The following A2ML1 variants were observed in gnomAD, a reference collection of about 807,000 sequenced individuals.
The protein encoded by A2ML1 is alpha-2-macroglobulin-like protein 1.
A neutral mutation model predicts 181.9 loss-of-function variants in A2ML1; 161 were observed. The ratio of observed to expected loss-of-function variants is 0.89; its 90% CI spans 0.78 to 1.01. The LOEUF is 1.01. A2ML1 is among the 50% of genes least tolerant of loss of function. The pLI, the probability that A2ML1 is intolerant of heterozygous loss-of-function variation, is 0.00. For missense variants in A2ML1, 1,670 were observed against 1,768.1 expected, an observed-to-expected ratio of 0.94 and a Z score of 1.00; for synonymous variants, 663 against 666.8, an observed-to-expected ratio of 0.99 and a Z score of 0.09.
intron 8 of A2ML1, 48 bp downstream of exon 8, chr12:8,837,614 G>T: frequency 6.5e-7 from 1 of 1,550,060 alleles, no homozygotes; most frequent in Non-Finnish European, 8.8e-7. Flanking sequence ...AGGCACGGTG[G>T]CTCACGCCTG....
downstream of A2ML1, among the ~76,000 whole-genome samples, chr12:8,877,688 A>T (rs1192210033): frequency 2.0e-5 from 3 of 152,186 alleles, no homozygotes; most frequent in Non-Finnish European, 4.4e-5. Context: ...AAAATAAGAG[A>T]TGTTGGCGAG....
intron 3 of A2ML1, among the ~76,000 whole-genome samples, chr12:8,827,901 G>A (rs1419927437): frequency 2.0e-5 from 3 of 152,234 alleles, no homozygotes; most frequent in Non-Finnish European, 4.4e-5. Flanking sequence ...AGATCTGGAA[G>A]AATTCCAGAT....
intron 1 of A2ML1, 36 bp from the exon 2 acceptor site, chr12:8,823,146 C>T: frequency 6.3e-7 from 1 of 1,595,200 alleles, no homozygotes; most frequent in Non-Finnish European, 8.6e-7. Context: ...GTGAATGAAT[C>T]ATTATTGCCC....
In A2ML1 at chr12:8,867,880, C is replaced by T. The variant is rs749652025; in HGVS notation, c.3756C>T (p.Ala1252=). The change falls in exon 30 of 36, where the codon GCC becomes GCT. Residue 1252 remains alanine, a synonymous_variant. Coordinates refer to ENST00000299698, the MANE Select transcript of A2ML1 (RefSeq NM_144670.6). ...VVALQALAKY[A]TTAYMPSEEI... ...CTCTCCAAGCTCTTGCCAAATATGC[C>T]ACTACCGCCTACATGCCATCTGAGG... The T allele has an allele frequency of 2.5e-6, 4 of 1,614,220 alleles. No homozygotes were observed. The highest frequency in any genetic ancestry group is 3.4e-6 in the Non-Finnish European group (4 of 1,180,036).
At position 8,850,186 on chromosome 12, in the gene A2ML1, G is replaced by T. The variant is rs74545189; in HGVS notation, c.2146G>T (p.Glu716Ter). The change falls in exon 18 of 36, where the codon GAG becomes TAG. Residue 716 changes from glutamate to a stop codon, truncating the protein, a stop_gained. Transcript: ENST00000299698. LOFTEE classifies it high-confidence loss of function. ...AGGCGGTGGTCATCCAGAGGCTTTTGAGTCATCAACTCCTTTACATCAAGC... is the reference window on the plus strand; with the variant it reads ...AGGCGGTGGTCATCCAGAGGCTTTTTAGTCATCAACTCCTTTACATCAAGC... ...GAGGGHPEAF[E>*]SSTPLHQAED... The T allele has an allele frequency of 6.2e-7, 1 of 1,611,952 alleles. No individual in the cohort carries two copies. Among genetic ancestry groups the T allele is most frequent in the South Asian group, 1.1e-5 (1 of 90,762 alleles).
chr12:8,852,455 T>C lies in A2ML1; in HGVS notation c.2590+119T>C. ...CTTCCTCCTCCATTTTCCACTATTT[T>C]TCTCCCTCCTAAGGCTGTTATAAGT... is the stretch of plus-strand genomic sequence containing the variant. On this transcript the variant is annotated intron_variant, in intron 20 of 35. Transcript: ENST00000299698. The surrounding 1 kb of genome is among the most constrained non-coding windows in gnomAD (Gnocchi z 4.2). 1 of 1,453,098 alleles carries C rather than the reference T, an allele frequency of 6.9e-7. No individual in the cohort carries two copies. The highest frequency in any genetic ancestry group is 9.4e-7 in the Non-Finnish European group (1 of 1,064,062). The allele number at this position is 1,453,098 out of a possible 1,614,324, so 90.0% of individuals were successfully genotyped here.
chr12:8,831,825 C>T (rs1202966374), intron 4 of A2ML1, among the ~76,000 whole-genome samples: 2 of 152,036 alleles, frequency 1.3e-5, no homozygotes, highest in Non-Finnish European at 2.9e-5. Context: ...TCTCGGCTCG[C>T]CGCAACCTCT....
At position 8,858,072 on chromosome 12, in the gene A2ML1, C is replaced by T. The variant is rs764790159; in HGVS notation, c.3234C>T (p.Asn1078=). The T allele has an allele frequency of 2.5e-4, 400 of 1,614,144 alleles. 5 individuals carry two copies. The South Asian group carries it at 2.8e-3, about 11-fold the overall frequency. The change falls in exon 26 of 36, where the codon AAC becomes AAT. Residue 1078 remains asparagine (N), a synonymous_variant. Coordinates refer to ENST00000299698, the MANE Select transcript of A2ML1 (RefSeq NM_144670.6). ...GNQLPSGCYA[N]VGNLLHTAMK... is the part of the protein sequence containing the mutation. ...AGCTCCCCAGTGGCTGCTATGCCAA[C>T]GTGGGAAATCTCCTTCACACAGCTA... is the stretch of plus-strand genomic sequence containing the variant.
rs149029881 is a variant in A2ML1, at chr12:8,834,555, T to C, written c.463-107T>C. ...ATTTAGAAAGGAAGAAATGAAGAAA[T>C]GGGCAAGAGGGAAAGGAAGAATTCT... On this transcript the variant is annotated intron_variant, in intron 4 of 35. Transcript: ENST00000299698. 3,898 of 1,365,756 alleles carry C rather than the reference T, an allele frequency of 2.9e-3. 8 individuals carry two copies. Among genetic ancestry groups the C allele is most frequent in the Non-Finnish European group, 3.5e-3 (3,453 of 975,002 alleles). The allele number at this position is 1,365,756 out of a possible 1,614,324, so 84.6% of individuals were successfully genotyped here.
At position 8,860,887 on chromosome 12, in the gene A2ML1, G is replaced by A. The variant is rs1200248654; in HGVS notation, c.3271G>A (p.Val1091Ile). 4.3e-6 allele frequency: 7 copies of A among 1,613,988 alleles called. No homozygotes were observed. The highest frequency in any genetic ancestry group is 3.3e-5 in the Admixed American group (2 of 59,990). The change falls in exon 27 of 36, where the codon GTT becomes ATT. Residue 1091 changes from valine (V) to isoleucine (I), a missense_variant. Coordinates refer to ENST00000299698, the MANE Select transcript of A2ML1 (RefSeq NM_144670.6). ...CCTCCCTGTTTGCCTCTAGGGTGGT[G>A]TTGATGATGAGGTCTCCTTGACTGC... ...NLLHTAMKGG[V>I]DDEVSLTAYV...
downstream of A2ML1, among the ~76,000 whole-genome samples, chr12:8,879,747 C>T (rs777575074): frequency 3.3e-5 from 5 of 152,078 alleles, no homozygotes; most frequent in East Asian, 5.8e-4. Context: ...TTATCAACTA[C>T]GCTGAATAAA....
chr12:8,845,412 T>C lies in A2ML1; in HGVS notation c.1477-30T>C, dbSNP rs756903232. ...CAAGGTGAAATTACTGTAACTTCTG[T>C]GCAGTTGATTCTTTTCTTTTCTTCT... On this transcript the variant is annotated intron_variant, in intron 12 of 35. Coordinates refer to ENST00000299698, the MANE Select transcript of A2ML1 (RefSeq NM_144670.6). The C allele has an allele frequency of 1.1e-5, 18 of 1,610,688 alleles. No individual in the cohort carries two copies. The South Asian group carries it at 2.0e-4, about 18-fold the overall frequency.
At position 8,848,897 on chromosome 12, in the gene A2ML1, C is replaced by A; in HGVS notation, c.2011C>A (p.Leu671Ile). The A allele has an allele frequency of 1.2e-6, 2 of 1,611,784 alleles. No individual in the cohort carries two copies. The change falls in exon 16 of 36, where the codon CTT becomes ATT. Residue 671 changes from leucine (L) to isoleucine (I), a missense_variant. Leu to Ile is a conservative substitution (Grantham distance 5, BLOSUM62 2). Coordinates refer to ENST00000299698, the MANE Select transcript of A2ML1 (RefSeq NM_144670.6). ...WRPSFSEGTD[L>I]FSFFRDVGLK... is the part of the protein sequence containing the mutation. ...GCCCTCGTTCTCTGAAGGCACGGAC[C>A]TTTTCAGCTTTTTCCGGGTAGGTCT...
At chr12:8,877,589 T>C (rs1944825441), downstream of A2ML1, among the ~76,000 whole-genome samples, 1 of 152,170 alleles carries the variant, frequency 6.6e-6, no homozygotes, top group Admixed American at 6.6e-5. Flanking sequence ...GAAAAAATGC[T>C]AACCATCACT....
intron 28 of A2ML1, among the ~76,000 whole-genome samples, chr12:8,862,976 T>TGACA (rs1944316216): frequency 6.6e-6 from 1 of 152,208 alleles, no homozygotes; most frequent in African/African-American, 2.4e-5. Context: ...AGAGGTTTCT[T>TGACA]TTGGTCTCAT....
chr12:8,882,796 A>C lies in A2ML1; in HGVS notation c.*94+2180A>C, dbSNP rs1381232613. On this transcript the variant is annotated intron_variant and NMD_transcript_variant, in intron 7 of 7. Transcript: ENST00000537475. The stretch of plus-strand genomic sequence containing the variant: ...GGACAACATAGCAAGACCCAATCTC[A>C]TTCTTTTTAAAAAATAAAATCCTAA... Among the ~76,000 whole-genome samples the C allele has an allele frequency of 5.3e-5, 8 of 152,116 alleles. No homozygotes were observed. In the East Asian group the frequency reaches 1.5e-3, roughly 29 times the overall value.
intron 4 of A2ML1, chr12:8,830,551 C>T (rs1471168231): frequency 1.3e-5 from 2 of 151,978 alleles, no homozygotes; most frequent in South Asian, 2.1e-4. Flanking sequence ...CAACATTTTG[C>T]GAATATTTGA....
intron 3 of A2ML1, 150 bp from the exon 4 acceptor site, chr12:8,829,577 C>A: frequency 1.4e-6 from 1 of 708,044 alleles, no homozygotes. Flanking sequence ...ATCACTTGAG[C>A]CCAGGAGTTT....
chr12:8,863,411 T>C (rs749970795), intron 28 of A2ML1, among the ~76,000 whole-genome samples: 11 of 152,324 alleles, frequency 7.2e-5, no homozygotes, highest in Admixed American at 7.2e-4. Context: ...GGCCTAAATC[T>C]TTGATTAAAT....
Sources: gnomAD v4.1 joint callset for allele counts (sites outside exome capture counted in the v4.1 genomes callset) on GRCh38, gnomAD v4.1.1 for gene constraint, Gnocchi (gnomAD v3.1) non-coding constraint, MANE v1.5 for transcripts, NCBI Gene and HGNC (gene_info 2026-07-23, HGNC 2026-07-21) for gene names.